The following PCTP variants were observed in gnomAD, a reference collection of about 807,000 sequenced individuals.
PCTP encodes the protein phosphatidylcholine transfer protein.
In PCTP, 27 loss-of-function variants were observed where a neutral mutation model predicts 31.0. The ratio of observed to expected loss-of-function variants is 0.87; its 90% CI spans 0.64 to 1.20. The LOEUF (loss-of-function observed/expected upper bound fraction) is 1.20, where lower values mean the gene tolerates loss of function less well. Among genes scored for constraint, PCTP ranks in the 50% most tolerant of loss-of-function variants. The probability of loss-of-function intolerance (pLI) is 0.00; values close to 1 mark genes in which losing one functional copy is unlikely to be tolerated. For missense variants in PCTP, 287 were observed against 268.2 expected, an observed-to-expected ratio of 1.07 and a Z score of -0.49; for synonymous variants, 108 against 101.2, an observed-to-expected ratio of 1.07 and a Z score of -0.40.
intron 1 of PCTP, chr17:55,751,618 T>TGGGGGGGGGGGG: frequency 2.7e-6 from 1 of 370,424 alleles, no homozygotes; most frequent in Non-Finnish European, 4.2e-6. Flanking sequence ...GGGGCTGGGG[T>TGGGGGGGGGGGG]GGGGGAGGGG....
chr17:55,792,696 C>T (rs956034392), intron 3 of PCTP, among the ~76,000 whole-genome samples: 17 of 152,060 alleles, frequency 1.1e-4, no homozygotes, highest in African/African-American at 4.1e-4. Context: ...AATAGGTCAC[C>T]AGGTGACTTC....
At chr17:55,769,796 A>G (rs909970408) in intron 2 of PCTP, 4 of 152,262 alleles carry the variant, frequency 2.6e-5, no homozygotes, top group Admixed American at 1.3e-4. Context: ...CAGCCCTGAA[A>G]TTACTGCAGA....
intron 1 of PCTP, among the ~76,000 whole-genome samples, chr17:55,766,662 T>C (rs975740207): frequency 5.3e-5 from 8 of 152,190 alleles, no homozygotes; most frequent in African/African-American, 1.9e-4. Context: ...AGTCTATCAT[T>C]GTTGGACATT....
intron 3 of PCTP, among the ~76,000 whole-genome samples, chr17:55,810,212 T>A (rs113801808): frequency 0.012 from 1,840 of 152,312 alleles, 22 homozygotes; most frequent in Non-Finnish European, 0.02. Context: ...AGACAGGGTC[T>A]CACTATGTTG....
At chr17:55,836,528 T>A (rs569884770) in intron 5 of PCTP, among the ~76,000 whole-genome samples, 2 of 152,340 alleles carry the variant, frequency 1.3e-5, no homozygotes, top group African/African-American at 4.8e-5. Context: ...TAACGCATAT[T>A]CTTTGCAGAA....
intron 3 of PCTP, among the ~76,000 whole-genome samples, chr17:55,814,792 C>CCATA (rs1488697214): frequency 6.6e-6 from 1 of 152,124 alleles, no homozygotes; most frequent in African/African-American, 2.4e-5. Flanking sequence ...TTACTTTGAC[C>CCATA]CATAAGCTTC....
At chr17:55,773,517 T>C (rs141044917) in intron 3 of PCTP, 3 of 522,260 alleles carry the variant, frequency 5.7e-6, no homozygotes, top group East Asian at 6.0e-5. Context: ...AAGTAATACA[T>C]GCTCTTTGGT....
chr17:55,757,262 G>A (rs890846291), intron 1 of PCTP, among the ~76,000 whole-genome samples: 1 of 149,694 alleles, frequency 6.7e-6, no homozygotes, highest in Non-Finnish European at 1.5e-5. Context: ...ACACATATAT[G>A]TGTATATACA....
chr17:55,850,144 C>A, the PCTP span, among the ~76,000 whole-genome samples: 1 of 151,760 alleles, frequency 6.6e-6, no homozygotes, highest in Non-Finnish European at 1.5e-5. Flanking sequence ...AGAAAGGGAC[C>A]CACAAAAGCA....
chr17:55,801,978 T>C (rs1279171903), intron 3 of PCTP, among the ~76,000 whole-genome samples: 1 of 152,016 alleles, frequency 6.6e-6, no homozygotes, highest in Non-Finnish European at 1.5e-5. Context: ...GCCAGACTAA[T>C]AAGGAATAAA....
At position 55,771,136 on chromosome 17, in the gene PCTP, C is replaced by T; in HGVS notation, c.290C>T (p.Thr97Ile). The T allele has an allele frequency of 6.2e-7, 1 of 1,613,560 alleles. No individual in the cohort carries two copies. Among genetic ancestry groups the T allele is most frequent in the South Asian group, 1.1e-5 (1 of 91,070 alleles). ...ELYEQECNGE[T>I]VVYWEVKYPF... Reference sequence around the variant, plus strand: ...TATGAACAAGAATGCAACGGAGAGACTGTGGTCTACTGGGAAGTGAAGTAC... The same window carrying T: ...TATGAACAAGAATGCAACGGAGAGATTGTGGTCTACTGGGAAGTGAAGTAC... The change falls in exon 3 of 6, where the codon ACT becomes ATT. Residue 97 changes from threonine to isoleucine, a missense_variant. Thr to Ile is a moderately conservative substitution (Grantham distance 89). Coordinates refer to ENST00000268896, the MANE Select transcript of PCTP (RefSeq NM_021213.4).
chr17:55,760,106 G>C (rs151038876), intron 1 of PCTP, among the ~76,000 whole-genome samples: 54 of 152,288 alleles, frequency 3.5e-4, no homozygotes, highest in African/African-American at 1.2e-3. Context: ...AACAGTAACA[G>C]ATTTCCTGGC....
At chr17:55,759,104 G>A (rs1910202531) in intron 1 of PCTP, among the ~76,000 whole-genome samples, 1 of 152,202 alleles carries the variant, frequency 6.6e-6, no homozygotes, top group Non-Finnish European at 1.5e-5. Flanking sequence ...GAACCAGCAG[G>A]TGAATCTGGG....
intron 3 of PCTP, among the ~76,000 whole-genome samples, chr17:55,789,727 A>G (rs1330021733): frequency 1.3e-5 from 2 of 152,202 alleles, no homozygotes; most frequent in Non-Finnish European, 2.9e-5. Context: ...CAGAGGTACA[A>G]GGAGGAACTG....
chr17:55,831,928 T>C (rs902670602), intron 5 of PCTP, among the ~76,000 whole-genome samples: 5 of 151,986 alleles, frequency 3.3e-5, no homozygotes, highest in African/African-American at 1.2e-4. Flanking sequence ...AACAAAAAAT[T>C]AGCTGGGCGT....
intron 2 of PCTP, 33 bp from the exon 3 acceptor site, chr17:55,771,073 C>A: frequency 6.5e-7 from 1 of 1,549,664 alleles, no homozygotes; most frequent in South Asian, 1.1e-5. Flanking sequence ...AAAAAGGCTT[C>A]CAGATGCATT....
At chr17:55,751,985 C>T (rs545656462) in intron 1 of PCTP, among the ~76,000 whole-genome samples, 3 of 152,290 alleles carry the variant, frequency 2.0e-5, no homozygotes, top group East Asian at 1.9e-4. Context: ...GTGGGTGAAA[C>T]TGAAGTTTCC....
chr17:55,802,215 T>C (rs7223765), intron 3 of PCTP, among the ~76,000 whole-genome samples: 57,075 of 151,988 alleles, frequency 0.38, 16,595 homozygotes, highest in African/African-American at 0.82. Context: ...GAAATTGAGG[T>C]AGTAAGTAAT....
intron 2 of PCTP, among the ~76,000 whole-genome samples, chr17:55,768,152 C>A (rs779600655): frequency 3.3e-5 from 5 of 151,572 alleles, no homozygotes; most frequent in African/African-American, 7.3e-5. Flanking sequence ...AAATTAACTT[C>A]TACTACATAG....
Sources: allele counts gnomAD v4.1 joint callset (sites outside exome capture counted in the v4.1 genomes callset), GRCh38; gene constraint gnomAD v4.1.1; transcripts MANE v1.5; gene names NCBI Gene and HGNC (gene_info 2026-07-23, HGNC 2026-07-21).